PAPPA2: variants seen among roughly 807,000 people sequenced by gnomAD.
PAPPA2 encodes pappalysin 2.
PAPPA2 carries 86 observed loss-of-function variants against 176.4 expected under a neutral mutation model. The observed-to-expected ratio is 0.49, with a 90% CI of 0.41 to 0.58. The LOEUF is 0.58. PAPPA2 is among the 20% of genes least tolerant of loss of function. The probability of loss-of-function intolerance (pLI) is 0.00; values close to 1 mark genes in which losing one functional copy is unlikely to be tolerated. For synonymous variants in PAPPA2, 809 were observed against 852.2 expected, an observed-to-expected ratio of 0.95 and a Z score of 0.88; for missense variants, 2,073 against 2,256.9, an observed-to-expected ratio of 0.92 and a Z score of 1.65.
At chr1:176,648,979 AT>A (rs1051218898) in intron 3 of PAPPA2, among the ~76,000 whole-genome samples, 14 of 151,380 alleles carry the variant, frequency 9.2e-5, no homozygotes, top group African/African-American at 2.9e-4. Flanking sequence ...CTCCTCTTCA[AT>A]TTTTTTGAAG....
intron 21 of PAPPA2, among the ~76,000 whole-genome samples, chr1:176,811,765 T>G (rs1666160274): frequency 6.6e-6 from 1 of 152,140 alleles, no homozygotes; most frequent in African/African-American, 2.4e-5. Context: ...CGGCATGTCT[T>G]TAAGCTTGTC....
chr1:176,634,677 G>A (rs948093817), intron 3 of PAPPA2, among the ~76,000 whole-genome samples: 5 of 151,706 alleles, frequency 3.3e-5, no homozygotes, highest in Non-Finnish European at 5.9e-5. Flanking sequence ...TGACAGTAAG[G>A]CGCTATTGAG....
chr1:176,574,499 T>TA (rs1323155782), intron 2 of PAPPA2, among the ~76,000 whole-genome samples: 3 of 152,106 alleles, frequency 2.0e-5, no homozygotes, highest in South Asian at 2.1e-4. Flanking sequence ...TTTACCATTT[T>TA]AAAAAAAATT....
chr1:176,828,467 T>C (rs1666943244), intron 21 of PAPPA2, among the ~76,000 whole-genome samples: 1 of 151,360 alleles, frequency 6.6e-6, no homozygotes, highest in South Asian at 2.1e-4. Flanking sequence ...AAAATATACT[T>C]TATGTTACAG....
Position 176,595,371 on chromosome 1 carries a change from C to A in PAPPA2, c.1767C>A (p.Ser589Arg). The A allele has an allele frequency of 6.2e-7, 1 of 1,614,188 alleles. No individual in the cohort carries two copies. The highest frequency in any genetic ancestry group is 8.5e-7 in the Non-Finnish European group (1 of 1,180,024). Residue 589 changes from serine to arginine, a missense_variant, in exon 3 of 23, where the codon AGC becomes AGA. Around this residue, in one of 4 missense-constraint regions of PAPPA2, gnomAD observed 1,196 missense variants for 1,330.4 expected, o/e 0.90. Transcript: ENST00000367662. ...HRVVLVNCEPSKIGNDHCDPE... is the reference protein window; with the variant it reads ...HRVVLVNCEPRKIGNDHCDPE... ...TTGTGCTTGTGAACTGTGAGCCCAG[C>A]AAGATTGGCAATGACCATTGTGACC...
intron 14 of PAPPA2, among the ~76,000 whole-genome samples, chr1:176,746,026 A>G (rs1382634372): frequency 6.6e-6 from 1 of 152,192 alleles, no homozygotes; most frequent in Non-Finnish European, 1.5e-5. Context: ...TAAGATGCTG[A>G]TAAGACTTGC....
At chr1:176,482,555 C>G (rs1314558237) in intron 1 of PAPPA2, among the ~76,000 whole-genome samples, 1 of 152,082 alleles carries the variant, frequency 6.6e-6, no homozygotes, top group East Asian at 1.9e-4. Flanking sequence ...CCAAAAAGCC[C>G]AGGGACAGCT....
chr1:176,557,992 A>G (rs1651428183), intron 2 of PAPPA2, among the ~76,000 whole-genome samples: 1 of 152,214 alleles, frequency 6.6e-6, no homozygotes, highest in Non-Finnish European at 1.5e-5. Flanking sequence ...ATTTGTTTGC[A>G]CTACACACAG....
At chr1:176,811,773 G>T (rs1401018931) in intron 21 of PAPPA2, among the ~76,000 whole-genome samples, 1 of 152,058 alleles carries the variant, frequency 6.6e-6, no homozygotes, top group Non-Finnish European at 1.5e-5. Flanking sequence ...CTTTAAGCTT[G>T]TCTAGAGTCC....
At chr1:176,793,775 G>A in intron 20 of PAPPA2, 106 bp downstream of exon 20, 1 of 749,322 alleles carries the variant, frequency 1.3e-6, no homozygotes, top group Non-Finnish European at 2.1e-6. Flanking sequence ...CATCCTCAAA[G>A]CAAACAACCA....
intron 2 of PAPPA2, among the ~76,000 whole-genome samples, chr1:176,584,415 T>C (rs144231500): frequency 1.0e-3 from 152 of 152,162 alleles, no homozygotes; most frequent in African/African-American, 3.4e-3. Context: ...TTTTTTTTAG[T>C]TTTTGACTTA....
chr1:176,717,043 T>G (rs970754423), intron 12 of PAPPA2, among the ~76,000 whole-genome samples: 1 of 152,146 alleles, frequency 6.6e-6, no homozygotes, highest in East Asian at 1.9e-4. Context: ...CCCCCAGTGC[T>G]AGGCAGAAAG....
At chr1:176,559,758 C>G (rs937157790) in intron 2 of PAPPA2, among the ~76,000 whole-genome samples, 1 of 152,294 alleles carries the variant, frequency 6.6e-6, no homozygotes, top group African/African-American at 2.4e-5. Context: ...TTCTGCTGTT[C>G]CACTTGGAAT....
intron 12 of PAPPA2, among the ~76,000 whole-genome samples, chr1:176,738,567 C>T (rs1029267757): frequency 2.6e-5 from 4 of 152,116 alleles, no homozygotes; most frequent in Admixed American, 1.3e-4. Flanking sequence ...CCTGGAGCTT[C>T]ATCACCCTTA....
chr1:176,546,407 A>G (rs1203746517), intron 1 of PAPPA2, among the ~76,000 whole-genome samples: 1 of 152,202 alleles, frequency 6.6e-6, no homozygotes, highest in East Asian at 1.9e-4. Context: ...TCAGTCCTGG[A>G]TAAGAGAGTA....
At chr1:176,702,762 TGTGTGTGTGTGTGTGAGAGAGA>T (rs771518678) in intron 9 of PAPPA2, 27 bp downstream of exon 9, 1 of 1,571,520 alleles carries the variant, frequency 6.4e-7, no homozygotes, top group Non-Finnish European at 8.6e-7. Flanking sequence ...TGTGTGTGTG[TGTGTGTGTGTGTGTGAGAGAGA>T]GAGAGAGAGA....
Position 176,623,691 on chromosome 1 carries a change from C to T in PAPPA2, c.1991+28096C>T, listed in dbSNP as rs58670518. Among the ~76,000 whole-genome samples, 69 of 120,432 alleles carry T rather than the reference C, an allele frequency of 5.7e-4. 1 individual carries two copies. The highest frequency in any genetic ancestry group is 2.2e-3 in the African/African-American group (64 of 28,558). 79.0% of individuals were successfully genotyped at this position (120,432 alleles called of 152,430 possible). A position where few individuals can be genotyped will look rare whatever the true frequency, so the allele number is the denominator to read the frequency against. The stretch of plus-strand genomic sequence containing the variant: ...TCTTTTTCTTTCTTTCTTTCTCTCT[C>T]TCTTTCCTTTCTTTCTTTTCTTCTT... On this transcript the variant is annotated intron_variant, in intron 3 of 22. Transcript: ENST00000367662.
Position 176,710,889 on chromosome 1 carries a change from C to T in PAPPA2, c.3651+713C>T, listed in dbSNP as rs188039914. On this transcript the variant is annotated intron_variant, in intron 11 of 22. Coordinates refer to ENST00000367662, the MANE Select transcript of PAPPA2 (RefSeq NM_020318.3). ...GGATTTCATCAAGGACCCAGGGTCT[C>T]CTAGATTCCAGCTCTTTCATCCTCG... 2.0e-4 allele frequency among the ~76,000 whole-genome samples: 30 copies of T among 152,222 alleles called. No homozygotes were observed. In the East Asian group the frequency reaches 5.4e-3, roughly 27 times the overall value.
intron 3 of PAPPA2, among the ~76,000 whole-genome samples, chr1:176,622,824 T>TATA (rs1214452346): frequency 6.6e-6 from 1 of 152,116 alleles, no homozygotes; most frequent in African/African-American, 2.4e-5. Context: ...CAAAATACAT[T>TATA]AGACTGAGTA....
Sources: gnomAD v4.1 joint callset for allele counts (sites outside exome capture counted in the v4.1 genomes callset) on GRCh38, gnomAD v4.1.1 for gene constraint, gnomAD v4.1.1 regional missense constraint, MANE v1.5 for transcripts, NCBI Gene and HGNC (gene_info 2026-07-23, HGNC 2026-07-21) for gene names.